INPP5F: variants seen among roughly 807,000 people sequenced by gnomAD.
INPP5F encodes the protein inositol polyphosphate-5-phosphatase F, also known as phosphatidylinositide 4-phosphatase SAC2.
A neutral mutation model predicts 137.2 loss-of-function variants in INPP5F; 97 were observed. The ratio of observed to expected loss-of-function variants is 0.71; its 90% confidence interval spans 0.60 to 0.84. The LOEUF is 0.84. INPP5F is among the 40% of genes least tolerant of loss of function. The pLI, the probability that INPP5F is intolerant of heterozygous loss-of-function variation, is 0.00. For synonymous variants in INPP5F, 504 were observed against 476.9 expected, an observed-to-expected ratio of 1.06 and a Z score of -0.74; for missense variants, 1,271 against 1,371.9, an observed-to-expected ratio of 0.93 and a Z score of 1.16.
rs1378066241 is a variant in INPP5F, at chr10:119,826,660, T to C, written c.2279T>C (p.Ile760Thr). The change falls in exon 20 of 20, where the codon ATT becomes ACT. Residue 760 changes from isoleucine to threonine, a missense_variant. Physicochemically the swap from Ile to Thr is moderately conservative, Grantham distance 89. Around this residue, in one of 6 missense-constraint regions of INPP5F, gnomAD observed 490 missense variants for 443.7 expected, o/e 1.10. Coordinates refer to ENST00000650623, the MANE Select transcript of INPP5F (RefSeq NM_014937.4). ...RKSSKPHEDI[I>T]GIRSQNQGSL... ...AGCAGTAAACCTCACGAAGACATCA[T>C]TGGTATCAGGTCTCAAAACCAAGGT... 5 of 1,596,018 alleles carry C rather than the reference T, an allele frequency of 3.1e-6. No homozygotes were observed. The highest frequency in any genetic ancestry group is 4.3e-6 in the Non-Finnish European group (5 of 1,175,194).
At chr10:119,732,569 G>A (rs755207079) in intron 1 of INPP5F, among the ~76,000 whole-genome samples, 2 of 139,384 alleles carry the variant, frequency 1.4e-5, no homozygotes, top group Non-Finnish European at 3.0e-5. Flanking sequence ...GCATGATCTC[G>A]GCTCATTGCA....
intron 9 of INPP5F, among the ~76,000 whole-genome samples, chr10:119,799,053 G>T (rs1271550964): frequency 6.6e-6 from 1 of 152,102 alleles, no homozygotes; most frequent in African/African-American, 2.4e-5. Flanking sequence ...ACCACCTACA[G>T]TTCAACCTCC....
intron 2 of INPP5F, among the ~76,000 whole-genome samples, chr10:119,768,009 G>C (rs192211953): frequency 6.6e-6 from 1 of 152,184 alleles, no homozygotes; most frequent in Non-Finnish European, 1.5e-5. Flanking sequence ...AAGGAAAGGC[G>C]AGCAGACTTT....
Position 119,826,664 on chromosome 10 carries a change from T to C in INPP5F, c.2283T>C (p.Gly761=), listed in dbSNP as rs1851771933. The stretch of plus-strand genomic sequence containing the variant: ...GTAAACCTCACGAAGACATCATTGG[T>C]ATCAGGTCTCAAAACCAAGGTTCTT... ...KSSKPHEDII[G]IRSQNQGSLA... The change falls in exon 20 of 20, where the codon GGT becomes GGC. Residue 761 remains glycine (G), a synonymous_variant. Transcript: ENST00000650623. The C allele has an allele frequency of 1.2e-6, 2 of 1,603,756 alleles. No homozygotes were observed. Among genetic ancestry groups the C allele is most frequent in the South Asian group, 2.3e-5 (2 of 88,494 alleles).
At chr10:119,742,021 A>G (rs577945105) in intron 1 of INPP5F, among the ~76,000 whole-genome samples, 3 of 152,028 alleles carry the variant, frequency 2.0e-5, no homozygotes, top group Admixed American at 6.6e-5. Context: ...GGGTTTCCTC[A>G]TGTTGGCCAG....
intron 2 of INPP5F, among the ~76,000 whole-genome samples, chr10:119,772,906 T>A (rs1460673147): frequency 6.6e-6 from 1 of 151,944 alleles, no homozygotes; most frequent in African/African-American, 2.4e-5. Context: ...CGCACCACCA[T>A]GCCCAGCTAA....
intron 1 of INPP5F, among the ~76,000 whole-genome samples, chr10:119,749,428 CT>C (rs1848630877): frequency 6.6e-6 from 1 of 152,182 alleles, no homozygotes. Flanking sequence ...AACAAATGCC[CT>C]GAAATGTAGC....
chr10:119,798,663 T>C, intron 9 of INPP5F, 53 bp downstream of exon 9: 1 of 1,230,762 alleles, frequency 8.1e-7, no homozygotes, highest in Non-Finnish European at 1.2e-6. Flanking sequence ...GAAATAACTT[T>C]TTCTTTAAGT....
At chr10:119,782,452 C>G (rs1849739312) in intron 3 of INPP5F, among the ~76,000 whole-genome samples, 1 of 152,144 alleles carries the variant, frequency 6.6e-6, no homozygotes, top group Non-Finnish European at 1.5e-5. Context: ...GTTTTGTTCA[C>G]TATGTGATGT....
chr10:119,793,521 C>T (rs557257422), intron 6 of INPP5F: 5 of 151,882 alleles, frequency 3.3e-5, no homozygotes, highest in African/African-American at 1.2e-4. Context: ...GGTACACTTA[C>T]GGAGATAAGA....
chr10:119,755,128 A>C (rs925332589), intron 2 of INPP5F, among the ~76,000 whole-genome samples: 2 of 152,240 alleles, frequency 1.3e-5, no homozygotes, highest in African/African-American at 4.8e-5. Flanking sequence ...CCTGACTGTC[A>C]CTGAACTCTG....
At position 119,823,217 on chromosome 10, in the gene INPP5F, T is replaced by A. The variant is rs534122648; in HGVS notation, c.2161+18T>A. 6.2e-7 allele frequency: 1 copy of A among 1,609,032 alleles called. No individual in the cohort carries two copies. Among genetic ancestry groups the A allele is most frequent in the South Asian group, 1.1e-5 (1 of 89,774 alleles). On this transcript the variant is annotated intron_variant, in intron 18 of 19. Transcript: ENST00000650623. ...TGGAAAAGGTAAAAAGAGGAAGAGA[T>A]GAAAGTATTCAGTGAAAACTTTCTA...
At chr10:119,785,410 C>T (rs964239279) in intron 3 of INPP5F, among the ~76,000 whole-genome samples, 50 of 151,106 alleles carry the variant, frequency 3.3e-4, no homozygotes, top group Middle Eastern at 6.8e-3. Context: ...TTCAGTCTCC[C>T]GAGTAGCTGG....
At chr10:119,820,128 A>G (rs1304340704) in intron 15 of INPP5F, among the ~76,000 whole-genome samples, 1 of 152,206 alleles carries the variant, frequency 6.6e-6, no homozygotes, top group Non-Finnish European at 1.5e-5. Flanking sequence ...AATTATTTGT[A>G]GATTTTATAC....
At chr10:119,797,381 A>C (rs1850423328) in intron 7 of INPP5F, 80 bp from the exon 8 acceptor site, 1 of 1,127,344 alleles carries the variant, frequency 8.9e-7, no homozygotes. Context: ...GAAGACATAC[A>C]TTTGATTAGG....
chr10:119,827,890 A>G lies in INPP5F; in HGVS notation c.*110A>G. 4.6e-6 allele frequency: 4 copies of G among 871,094 alleles called. No homozygotes were observed. The highest frequency in any genetic ancestry group is 7.0e-6 in the Non-Finnish European group (4 of 570,544). 54.0% of individuals were successfully genotyped at this position (871,094 alleles called of 1,614,324 possible). A position where few individuals can be genotyped will look rare whatever the true frequency, so the allele number is the denominator to read the frequency against. ...AACCCAGGGATCACAAATTCTGTTC[A>G]TTGGAAAGGGTTTTAAACGGAGTCG... On this transcript the variant is annotated 3_prime_UTR_variant, in exon 20 of 20. Coordinates refer to ENST00000650623, the MANE Select transcript of INPP5F (RefSeq NM_014937.4).
At chr10:119,824,637 T>C (rs1287749584) in intron 19 of INPP5F, among the ~76,000 whole-genome samples, 2 of 152,244 alleles carry the variant, frequency 1.3e-5, no homozygotes, top group African/African-American at 4.8e-5. Flanking sequence ...TTATAATTGC[T>C]AAATATTTAG....
chr10:119,801,469 A>G (rs1036123055), intron 9 of INPP5F, among the ~76,000 whole-genome samples: 3 of 152,244 alleles, frequency 2.0e-5, no homozygotes, highest in African/African-American at 7.2e-5. Flanking sequence ...GTGGTCAGGA[A>G]GGATTTGACC....
At position 119,748,523 on chromosome 10, in the gene INPP5F, G is replaced by C. The variant is rs74157692; in HGVS notation, c.98-2553G>C. On this transcript the variant is annotated intron_variant, in intron 1 of 19. Transcript: ENST00000650623. The surrounding 1 kb of genome is among the most constrained non-coding windows in gnomAD (Gnocchi z 4.7). The stretch of plus-strand genomic sequence containing the variant: ...CAAGGTATGTGGACAACTGGAGGGG[G>C]AGCAAGGCAGAGAGCAGCTTCATTG... 7.9e-3 allele frequency among the ~76,000 whole-genome samples: 1,196 copies of C among 152,298 alleles called. 21 individuals carry two copies. Among genetic ancestry groups the C allele is most frequent in the African/African-American group, 0.028 (1,156 of 41,566 alleles).
Sources: allele counts gnomAD v4.1 joint callset (sites outside exome capture counted in the v4.1 genomes callset), GRCh38; gene constraint gnomAD v4.1.1; regional missense constraint gnomAD v4.1.1; non-coding constraint Gnocchi (gnomAD v3.1); transcripts MANE v1.5; gene names NCBI Gene and HGNC (gene_info 2026-07-23, HGNC 2026-07-21).